The following ZFP2 variants were observed in gnomAD, a reference collection of about 807,000 sequenced individuals.
ZFP2 encodes zinc finger protein ZFP2.
Under a neutral mutation model 36.1 loss-of-function variants are expected in ZFP2, and 33 were observed. The observed-to-expected ratio is 0.92, with a 90% CI of 0.69 to 1.22. The LOEUF (loss-of-function observed/expected upper bound fraction) is 1.22, where lower values mean the gene tolerates loss of function less well. Ranked by LOEUF, ZFP2 falls within the 50% of genes most tolerant of loss-of-function variation. ZFP2 has a pLI of 0.00. For synonymous variants in ZFP2, 170 were observed against 178.0 expected, an observed-to-expected ratio of 0.96 and a Z score of 0.36; for missense variants, 522 against 551.4, an observed-to-expected ratio of 0.95 and a Z score of 0.53.
rs1052512816 is a variant in ZFP2 at position 178,912,710 on chromosome 5, G to A, written c.-323G>A. 9.4e-7 allele frequency: 1 copy of A among 1,064,050 alleles called. No individual in the cohort carries two copies. Among genetic ancestry groups the A allele is most frequent in the Non-Finnish European group, 1.2e-6 (1 of 863,736 alleles). 65.9% of individuals were successfully genotyped at this position (1,064,050 alleles called of 1,614,324 possible). ...GATGCTGGAGAACTACAGGAACCCG[G>A]TCTCACTGGGTAAGGACTTCTTGTA... On this transcript the variant is annotated 5_prime_UTR_variant, in exon 2 of 5. Coordinates refer to ENST00000361362, the MANE Select transcript of ZFP2 (RefSeq NM_030613.4).
intron 4 of ZFP2, among the ~76,000 whole-genome samples, chr5:178,928,772 A>G (rs1758751774): frequency 6.6e-6 from 1 of 152,234 alleles, no homozygotes; most frequent in East Asian, 1.9e-4. Flanking sequence ...TCTCACAGGC[A>G]GTGCCCCAGT....
chr5:178,909,036 C>T (rs1298662119), intron 1 of ZFP2, among the ~76,000 whole-genome samples: 3 of 150,950 alleles, frequency 2.0e-5, no homozygotes, highest in African/African-American at 4.9e-5. Context: ...CCCCTCGTGG[C>T]CTGGATGGAA....
intron 1 of ZFP2, chr5:178,909,707 C>T: frequency 6.6e-7 from 1 of 1,505,788 alleles, no homozygotes; most frequent in East Asian, 2.3e-5. Context: ...GACAGAGCCA[C>T]TAAGTCTGCT....
chr5:178,920,672 A>G (rs1230218592), intron 4 of ZFP2, among the ~76,000 whole-genome samples: 2 of 151,938 alleles, frequency 1.3e-5, no homozygotes, highest in African/African-American at 2.4e-5. Flanking sequence ...TTTCACTTCC[A>G]GAATTTCCAC....
intron 3 of ZFP2, among the ~76,000 whole-genome samples, chr5:178,916,134 G>A (rs1189802872): frequency 9.3e-6 from 1 of 107,600 alleles, no homozygotes; most frequent in Non-Finnish European, 2.1e-5. Flanking sequence ...CAAGGAGGAG[G>A]AGAGGGCCCA....
chr5:178,900,027 G>A (rs1371692848), intron 1 of ZFP2, among the ~76,000 whole-genome samples: 1 of 152,054 alleles, frequency 6.6e-6, no homozygotes, highest in Non-Finnish European at 1.5e-5. Flanking sequence ...TTAAAATGGG[G>A]GTATTGGACA....
chr5:178,931,105 T>G (rs1758824246), intron 4 of ZFP2, 132 bp from the exon 5 acceptor site: 1 of 1,027,166 alleles, frequency 9.7e-7, no homozygotes, highest in Admixed American at 3.7e-5. Flanking sequence ...GGGTACATGT[T>G]TGAAAGCTCT....
At chr5:178,898,556 A>G (rs1757986016) in intron 1 of ZFP2, among the ~76,000 whole-genome samples, 1 of 152,128 alleles carries the variant, frequency 6.6e-6, no homozygotes, top group South Asian at 2.1e-4. Context: ...CTTGTTTCTC[A>G]TGGCTTCTTT....
chr5:178,930,246 C>G (rs1758797574), intron 4 of ZFP2, among the ~76,000 whole-genome samples: 1 of 149,822 alleles, frequency 6.7e-6, no homozygotes, highest in South Asian at 2.1e-4. Context: ...GATTATGTTA[C>G]TTACTTCCTA....
intron 1 of ZFP2, among the ~76,000 whole-genome samples, chr5:178,911,692 C>G (rs1035406302): frequency 6.6e-6 from 1 of 152,148 alleles, no homozygotes; most frequent in African/African-American, 2.4e-5. Context: ...CCCATGTATT[C>G]AAGGGTCAGT....
At chr5:178,899,787 T>A (rs535665810) in intron 1 of ZFP2, among the ~76,000 whole-genome samples, 2 of 152,122 alleles carry the variant, frequency 1.3e-5, no homozygotes, top group East Asian at 3.9e-4. Context: ...TTTTTTTTTT[T>A]AAGGTTAAAC....
intron 1 of ZFP2, chr5:178,910,188 C>G: frequency 6.4e-7 from 1 of 1,560,032 alleles, no homozygotes; most frequent in Non-Finnish European, 8.8e-7. Flanking sequence ...AAAAATCTTT[C>G]TGGTGAATTT....
At chr5:178,924,321 C>T (rs62395089) in intron 4 of ZFP2, among the ~76,000 whole-genome samples, 40,021 of 142,098 alleles carry the variant, frequency 0.28, 7,563 homozygotes, top group South Asian at 0.37. Flanking sequence ...TGCAGTGAGC[C>T]GAGATCGCTC....
chr5:178,926,463 C>G (rs1416745791), intron 4 of ZFP2, among the ~76,000 whole-genome samples: 2 of 151,982 alleles, frequency 1.3e-5, no homozygotes, highest in Non-Finnish European at 2.9e-5. Context: ...GCTGGCTGAC[C>G]CCTGTACAGA....
chr5:178,930,960 T>C (rs1581845026), intron 4 of ZFP2, among the ~76,000 whole-genome samples: 1 of 152,226 alleles, frequency 6.6e-6, no homozygotes, highest in South Asian at 2.1e-4. Flanking sequence ...GCCTTCACTG[T>C]CCATCCCTCC....
chr5:178,920,931 TG>T (rs1361308795), intron 4 of ZFP2, among the ~76,000 whole-genome samples: 1 of 152,230 alleles, frequency 6.6e-6, no homozygotes, highest in African/African-American at 2.4e-5. Context: ...TAAAACTCTA[TG>T]TCTTCTTGAA....
intron 1 of ZFP2, among the ~76,000 whole-genome samples, chr5:178,898,417 C>T (rs1241042297): frequency 9.2e-5 from 14 of 152,184 alleles, no homozygotes; most frequent in African/African-American, 1.7e-4. Context: ...CTCTGTCTTT[C>T]GTCTTTGTAT....
intron 1 of ZFP2, among the ~76,000 whole-genome samples, chr5:178,899,004 G>T (rs1339576348): frequency 1.3e-5 from 2 of 152,154 alleles, no homozygotes; most frequent in African/African-American, 4.8e-5. Context: ...ATGGTAATAA[G>T]AACAAGTGTG....
Position 178,932,048 on chromosome 5 carries a change from T to C in ZFP2, c.735T>C (p.Asn245=). ...THTGEKPYEC[N]ECGKAFSQSM... is the part of the protein sequence containing the mutation. Reference sequence around the variant, plus strand: ...CAGGAGAAAAACCCTATGAATGTAATGAATGTGGAAAAGCCTTCAGTCAAA... The same window carrying C: ...CAGGAGAAAAACCCTATGAATGTAACGAATGTGGAAAAGCCTTCAGTCAAA... Residue 245 remains asparagine, a synonymous_variant, in exon 5 of 5, where the codon AAT becomes AAC. Transcript: ENST00000361362. 1 of 1,614,090 alleles carries C rather than the reference T, an allele frequency of 6.2e-7. No homozygotes were observed. Among genetic ancestry groups the C allele is most frequent in the Non-Finnish European group, 8.5e-7 (1 of 1,180,018 alleles).
Sources: gnomAD v4.1 joint callset for allele counts (sites outside exome capture counted in the v4.1 genomes callset) on GRCh38, gnomAD v4.1.1 for gene constraint, MANE v1.5 for transcripts, NCBI Gene and HGNC (gene_info 2026-07-23, HGNC 2026-07-21) for gene names.